Variants in DHX57 observed in about 807,000 individuals in gnomAD.
DHX57 encodes putative ATP-dependent RNA helicase DHX57.
In DHX57, 105 loss-of-function variants were observed where a neutral mutation model predicts 156.2. That is an observed-to-expected ratio of 0.67 (90% CI 0.57 to 0.79). DHX57 has a LOEUF of 0.79. Ranked by LOEUF, DHX57 falls within the 30% of genes least tolerant of loss-of-function variation. DHX57 has a pLI of 0.00. For missense variants in DHX57, 1,847 were observed against 1,661.9 expected (o/e 1.11, Z -1.94); for synonymous variants, 704 against 595.6 (o/e 1.18, Z -2.65).
chr2:38,874,347 T>C (rs1005159656), intron 1 of DHX57, among the ~76,000 whole-genome samples: 1 of 151,210 alleles, frequency 6.6e-6, no homozygotes, highest in Non-Finnish European at 1.5e-5. Context: ...CACCTTGGCC[T>C]CCCAAAGTGC....
intron 13 of DHX57, among the ~76,000 whole-genome samples, chr2:38,831,041 C>G (rs1186305253): frequency 6.6e-6 from 1 of 151,528 alleles, no homozygotes; most frequent in Non-Finnish European, 1.5e-5. Context: ...GCACTCTAGC[C>G]TGAGTGACAA....
intron 22 of DHX57, among the ~76,000 whole-genome samples, chr2:38,803,533 G>C (rs1669798618): frequency 6.6e-6 from 1 of 151,304 alleles, no homozygotes; most frequent in Non-Finnish European, 1.5e-5. Context: ...TTTTGTCCAG[G>C]CTGGAGTGCA....
chr2:38,839,706 C>G (rs1361827876), intron 12 of DHX57, among the ~76,000 whole-genome samples: 1 of 144,312 alleles, frequency 6.9e-6, no homozygotes, highest in Non-Finnish European at 1.5e-5. Flanking sequence ...GGCGACAGAG[C>G]AAGACTCCGT....
intron 1 of DHX57, among the ~76,000 whole-genome samples, chr2:38,871,536 G>C (rs961652326): frequency 6.6e-6 from 1 of 152,104 alleles, no homozygotes; most frequent in Admixed American, 6.6e-5. Context: ...CCACAGACTA[G>C]GTAATTTATA....
intron 21 of DHX57, chr2:38,810,860 A>G: frequency 1.3e-6 from 1 of 741,934 alleles, no homozygotes; most frequent in Non-Finnish European, 2.4e-6. Context: ...ATTTCAATGA[A>G]GCGGTTCTCC....
chr2:38,835,411 G>T (rs998568850), intron 13 of DHX57, among the ~76,000 whole-genome samples: 2 of 152,136 alleles, frequency 1.3e-5, no homozygotes, highest in African/African-American at 4.8e-5. Context: ...TACAAGAAAG[G>T]CTGGCCAATG....
Position 38,806,586 on chromosome 2 carries a change from G to A in DHX57, c.3789C>T (p.His1263=), listed in dbSNP as rs1195041797. The A allele has an allele frequency of 1.2e-6, 2 of 1,614,140 alleles. No homozygotes were observed. Among genetic ancestry groups the A allele is most frequent in the East Asian group, 2.2e-5 (1 of 44,874 alleles). Reference sequence around the variant, plus strand: ...GATAGTTCACTGATGAAGGGTGAATGTGTACATATCCATCGTTCTTGGTGA... The same window carrying A: ...GATAGTTCACTGATGAAGGGTGAATATGTACATATCCATCGTTCTTGGTGA... ...KFVTKNDGYV[H]IHPSSVNYQV... is the part of the protein sequence containing the mutation. The change falls in exon 22 of 24, where the codon CAC becomes CAT. Residue 1263 remains histidine, a synonymous_variant. Transcript: ENST00000457308.
At chr2:38,834,816 A>G (rs1208063624) in intron 13 of DHX57, among the ~76,000 whole-genome samples, 1 of 152,218 alleles carries the variant, frequency 6.6e-6, no homozygotes, top group Non-Finnish European at 1.5e-5. Flanking sequence ...GAAGAAAAAG[A>G]GATTTGTGAA....
chr2:38,871,727 G>C (rs923737954), intron 1 of DHX57, among the ~76,000 whole-genome samples: 5 of 96,146 alleles, frequency 5.2e-5, no homozygotes, highest in African/African-American at 1.9e-4. Flanking sequence ...TTTTTTTTTT[G>C]AGACAGTCTC....
At chr2:38,851,929 C>T (rs2124904816) in intron 9 of DHX57, among the ~76,000 whole-genome samples, 1 of 152,090 alleles carries the variant, frequency 6.6e-6, no homozygotes, top group Admixed American at 6.5e-5. Flanking sequence ...CATTATTTAC[C>T]ATTAATTTTT....
At chr2:38,850,244 G>C (rs1672511856) in intron 9 of DHX57, among the ~76,000 whole-genome samples, 1 of 152,102 alleles carries the variant, frequency 6.6e-6, no homozygotes, top group African/African-American at 2.4e-5. Flanking sequence ...AGAGTGGTTT[G>C]GGAGTAGTAA....
In DHX57 at chr2:38,815,674, C is replaced by G. The variant is rs747246771; in HGVS notation, c.3472-19G>C. ...CCATTTCCTGAAAGAAGTGGAAAAA[C>G]CTTTAAGCAAGGGCATCAGCATAAC... On this transcript the variant is annotated intron_variant, in intron 19 of 23. Coordinates refer to ENST00000457308, the MANE Select transcript of DHX57 (RefSeq NM_198963.3). 13 of 1,613,860 alleles carry G rather than the reference C, an allele frequency of 8.1e-6. No homozygotes were observed. The highest frequency in any genetic ancestry group is 1.3e-5 in the African/African-American group (1 of 74,890).
intron 9 of DHX57, among the ~76,000 whole-genome samples, chr2:38,848,964 G>A (rs887489974): frequency 6.6e-6 from 1 of 152,060 alleles, no homozygotes; most frequent in African/African-American, 2.4e-5. Flanking sequence ...CCAAATCCAG[G>A]CAGTACCAAT....
chr2:38,863,555 C>G (rs1673352747), intron 2 of DHX57, 36 bp from the exon 3 acceptor site: 2 of 1,589,010 alleles, frequency 1.3e-6, no homozygotes, highest in Non-Finnish European at 8.5e-7. Flanking sequence ...ACACACATAT[C>G]TTCAATCAGA....
At chr2:38,852,156 T>C (rs1456335844) in intron 9 of DHX57, among the ~76,000 whole-genome samples, 3 of 151,860 alleles carry the variant, frequency 2.0e-5, no homozygotes, top group Non-Finnish European at 4.4e-5. Context: ...TTTCTTCTAA[T>C]AGTTCTTCTG....
chr2:38,807,926 G>A (rs1171760934), intron 21 of DHX57, among the ~76,000 whole-genome samples: 23 of 144,572 alleles, frequency 1.6e-4, no homozygotes, highest in African/African-American at 4.6e-4. Context: ...GATTACAGGC[G>A]TGAGCCACTG....
At chr2:38,802,971 C>G in intron 22 of DHX57, 56 bp from the exon 23 acceptor site, 1 of 1,595,548 alleles carries the variant, frequency 6.3e-7, no homozygotes. Flanking sequence ...AAAAAGGGAA[C>G]AACCCCCCAG....
rs373651378 is a variant in DHX57 at position 38,802,988 on chromosome 2, G to A, written c.3817-73C>T. The A allele has an allele frequency of 3.0e-5, 47 of 1,542,012 alleles. 1 individual carries two copies. In the East Asian group the frequency reaches 4.7e-4, roughly 15 times the overall value. On this transcript the variant is annotated intron_variant, in intron 22 of 23. Coordinates refer to ENST00000457308, the MANE Select transcript of DHX57 (RefSeq NM_198963.3). ...AAAGGGAACAACCCCCCAGTCCCAC[G>A]GATTTAAATACTGCCTATTAATGAC... is the stretch of plus-strand genomic sequence containing the variant.
chr2:38,868,495 C>T, intron 1 of DHX57, 84 bp from the exon 2 acceptor site: 2 of 1,350,904 alleles, frequency 1.5e-6, no homozygotes, highest in Non-Finnish European at 2.0e-6. Flanking sequence ...TGAATATAGG[C>T]TACTTTAAAG....
Sources: allele counts gnomAD v4.1 joint callset (sites outside exome capture counted in the v4.1 genomes callset), GRCh38; gene constraint gnomAD v4.1.1; transcripts MANE v1.5; gene names NCBI Gene and HGNC (gene_info 2026-07-23, HGNC 2026-07-21).